Variants in SNX32 observed in about 807,000 individuals in gnomAD.
SNX32 encodes the protein sorting nexin-32.
SNX32 carries 58 observed loss-of-function variants against 57.0 expected under a neutral mutation model. The observed-to-expected ratio is 1.02, with a 90% CI of 0.82 to 1.27. SNX32 has a LOEUF of 1.27. SNX32 is among the 50% of genes most tolerant of loss of function. The probability of loss-of-function intolerance (pLI) is 0.00; values close to 1 mark genes in which losing one functional copy is unlikely to be tolerated. For missense variants in SNX32, 589 were observed against 541.2 expected, an observed-to-expected ratio of 1.09 and a Z score of -0.88; for synonymous variants, 262 against 220.4, an observed-to-expected ratio of 1.19 and a Z score of -1.67.
In SNX32 at chr11:65,853,422, C is replaced by T. The variant is rs548291741; in HGVS notation, c.*87C>T. ...CCTCTCTCCGGCAAGATGTCTCCTT[C>T]CCTAGCAGTGCCACTAGCCACACCC... On this transcript the variant is annotated 3_prime_UTR_variant, in exon 13 of 13. Coordinates refer to ENST00000308342, the MANE Select transcript of SNX32 (RefSeq NM_152760.3). 1 of 1,361,936 alleles carries T rather than the reference C, an allele frequency of 7.3e-7. No homozygotes were observed. The highest frequency in any genetic ancestry group is 1.0e-6 in the Non-Finnish European group (1 of 956,392). The allele number at this position is 1,361,936 out of a possible 1,614,324, so 84.4% of individuals were successfully genotyped here.
Position 65,850,875 on chromosome 11 carries a change from TC to T in SNX32, c.603+22del. The T allele has an allele frequency of 6.2e-7, 1 of 1,604,618 alleles. No homozygotes were observed. Among genetic ancestry groups the T allele is most frequent in the South Asian group, 1.1e-5 (1 of 90,572 alleles). ...CTCAAGGTAACCCCTGGTGCTCCTCTCCGGATTCAACCCAGCACCTCAAGTC... is the reference window on the plus strand; with the variant it reads ...CTCAAGGTAACCCCTGGTGCTCCTCTCGGATTCAACCCAGCACCTCAAGTC... On this transcript the variant is annotated intron_variant, in intron 6 of 12. Transcript: ENST00000308342.
intron 1 of SNX32, among the ~76,000 whole-genome samples, chr11:65,844,160 G>A (rs1157684801): frequency 6.6e-6 from 1 of 152,112 alleles, no homozygotes; most frequent in East Asian, 1.9e-4. Context: ...GAAATGTAAA[G>A]GACCTATAAT....
At position 65,852,632 on chromosome 11, in the gene SNX32, CCTG is replaced by C; in HGVS notation, c.919_921del (p.Leu307del). ...TGACCCTGTGCCCATGGTCCTAGGA[CCTG>C]CTGTACCGGCGGCTGCGGGCACTGG... On this transcript the variant is annotated inframe_deletion, in exon 11 of 13. Coordinates refer to ENST00000308342, the MANE Select transcript of SNX32 (RefSeq NM_152760.3). The C allele has an allele frequency of 6.2e-7, 1 of 1,611,392 alleles. No individual in the cohort carries two copies. Among genetic ancestry groups the C allele is most frequent in the Non-Finnish European group, 8.5e-7 (1 of 1,179,232 alleles).
chr11:65,839,215 A>ATTTTTTTTTTT lies in SNX32; in HGVS notation c.36+5121_36+5122insTTTTTTTTTTT, dbSNP rs1555032605. On this transcript the variant is annotated intron_variant, in intron 1 of 12. Coordinates refer to ENST00000308342, the MANE Select transcript of SNX32 (RefSeq NM_152760.3). ...AGCTGTGCCCCACCACGCCCAGCTA[A>ATTTTTTTTTTT]TTTTTTTGTATTTTTTTTTTTTTTT... Among the ~76,000 whole-genome samples, 41 of 19,528 alleles carry ATTTTTTTTTTT rather than the reference A, an allele frequency of 2.1e-3. 2 individuals are homozygous for ATTTTTTTTTTT. Among genetic ancestry groups the ATTTTTTTTTTT allele is most frequent in the Non-Finnish European group, 3.8e-3 (32 of 8,378 alleles). The allele number at this position is 19,528 out of a possible 152,430, so 12.8% of individuals were successfully genotyped here.
chr11:65,850,092 G>T (rs753908484), intron 3 of SNX32, 58 bp from the exon 4 acceptor site: 2 of 1,614,084 alleles, frequency 1.2e-6, no homozygotes, highest in Non-Finnish European at 1.7e-6. Context: ...AGGACCAAAG[G>T]CTGTGATGGC....
At chr11:65,836,686 A>C (rs1016459670) in intron 1 of SNX32, among the ~76,000 whole-genome samples, 1 of 152,244 alleles carries the variant, frequency 6.6e-6, no homozygotes, top group African/African-American at 2.4e-5. Flanking sequence ...GATAGAGAAA[A>C]TGTGGCACAT....
In SNX32 at chr11:65,834,004, G is replaced by A. The variant is rs1858575214; in HGVS notation, c.-62G>A. On this transcript the variant is annotated 5_prime_UTR_variant, in exon 1 of 13. Transcript: ENST00000308342. ...CTCACTCGGTCAGTTCCTCGGGCGA[G>A]TTACGGGGACGACCTGCGGGAGCAC... The A allele has an allele frequency of 6.5e-7, 1 of 1,539,946 alleles. No individual in the cohort carries two copies. The highest frequency in any genetic ancestry group is 1.4e-5 in the African/African-American group (1 of 72,614).
In SNX32 at chr11:65,852,688, T is replaced by C. The variant is rs764773365; in HGVS notation, c.971T>C (p.Leu324Pro). The change falls in exon 11 of 13, where the codon CTG becomes CCG. Residue 324 changes from leucine (L) to proline (P), a missense_variant. Leu to Pro is a moderately conservative substitution (Grantham distance 98, BLOSUM62 -3). Transcript: ENST00000308342. ...GACTACGAGAATGCCAACAAGGCGC[T>C]GGACAAGGCGCGCACCAGGAACCGG... is the stretch of plus-strand genomic sequence containing the variant. ...LADYENANKA[L>P]DKARTRNREV... The C allele has an allele frequency of 6.3e-7, 1 of 1,597,302 alleles. No homozygotes were observed. Among genetic ancestry groups the C allele is most frequent in the Non-Finnish European group, 8.5e-7 (1 of 1,175,162 alleles).
chr11:65,850,059 G>A, intron 3 of SNX32, 29 bp downstream of exon 3: 1 of 1,614,160 alleles, frequency 6.2e-7, no homozygotes. Context: ...GGGGCTGGGA[G>A]GGACAGGCAG....
intron 1 of SNX32, among the ~76,000 whole-genome samples, chr11:65,834,977 AT>A (rs1285311276): frequency 1.6e-5 from 2 of 128,270 alleles, no homozygotes; most frequent in African/African-American, 6.1e-5. Context: ...TGATCTGTGT[AT>A]GTCGTTGTGT....
At chr11:65,834,558 CTGTG>C (rs1176244566) in intron 1 of SNX32, among the ~76,000 whole-genome samples, 16 of 146,940 alleles carry the variant, frequency 1.1e-4, no homozygotes, top group Non-Finnish European at 1.9e-4. Flanking sequence ...GTGTGTGTGT[CTGTG>C]TGTCTGTGTC....
Position 65,834,189 on chromosome 11 carries a change from C to CTGTG in SNX32, c.36+97_36+100dup, listed in dbSNP as rs1000594143. 4 of 409,272 alleles carry CTGTG rather than the reference C, an allele frequency of 9.8e-6. No individual in the cohort carries two copies. The Admixed American group carries it at 1.3e-4, about 13-fold the overall frequency. 25.4% of individuals were successfully genotyped at this position (409,272 alleles called of 1,614,324 possible). A position where few individuals can be genotyped will look rare whatever the true frequency, so the allele number is the denominator to read the frequency against. ...CAATCATGCGGTGGTGTGTGTGTGTCTGTGTGTGTGTGGTCTGCCTCTGTG... is the reference window on the plus strand; with the variant it reads ...CAATCATGCGGTGGTGTGTGTGTGTCTGTGTGTGTGTGTGTGGTCTGCCTCTGTG... On this transcript the variant is annotated intron_variant, in intron 1 of 12. Transcript: ENST00000308342.
chr11:65,850,615 G>A, intron 5 of SNX32, 61 bp downstream of exon 5: 2 of 1,560,354 alleles, frequency 1.3e-6, no homozygotes, highest in Admixed American at 1.9e-5. Flanking sequence ...GGGTGGGGAG[G>A]CACCCAGGGG....
chr11:65,850,132 C>T lies in SNX32; in HGVS notation c.253-18C>T, dbSNP rs765142246. The T allele has an allele frequency of 1.4e-5, 23 of 1,614,070 alleles. No homozygotes were observed. Among genetic ancestry groups the T allele is most frequent in the Non-Finnish European group, 1.8e-5 (21 of 1,180,036 alleles). ...TCGGCAGTGAGAGGCCTCCCAGCTC[C>T]GTCCCTCCTTTGAGCAGATCCCCCC... On this transcript the variant is annotated intron_variant, in intron 3 of 12. Transcript: ENST00000308342.
intron 1 of SNX32, among the ~76,000 whole-genome samples, chr11:65,838,132 G>T (rs1042701536): frequency 2.6e-5 from 4 of 151,664 alleles, no homozygotes; most frequent in African/African-American, 9.7e-5. Flanking sequence ...CTCCAGCCTG[G>T]GTGACGGGAG....
rs1444526347 is a variant in SNX32, at chr11:65,844,956, ACT to A, written c.37-4519_37-4518del. 1.1e-4 allele frequency among the ~76,000 whole-genome samples: 11 copies of A among 100,100 alleles called. No homozygotes were observed. In the South Asian group the frequency reaches 4.6e-3, roughly 42 times the overall value. The allele number at this position is 100,100 out of a possible 152,430, so 65.7% of individuals were successfully genotyped here. On this transcript the variant is annotated intron_variant, in intron 1 of 12. Coordinates refer to ENST00000308342, the MANE Select transcript of SNX32 (RefSeq NM_152760.3). ...ACTCCAGCCTGGGTGACACAGCAAGACTCTGTCTCAAAAAAAAAAAAAAAAGT... is the reference window on the plus strand; with the variant it reads ...ACTCCAGCCTGGGTGACACAGCAAGACTGTCTCAAAAAAAAAAAAAAAAGT...
chr11:65,852,376 T>G lies in SNX32; in HGVS notation c.826-89T>G, dbSNP rs895500245. ...CCTGGAACAGTTACCTAAGGCTTCT[T>G]TGCTGGATATTTAGATGAAGAGGTG... On this transcript the variant is annotated intron_variant, in intron 9 of 12. Transcript: ENST00000308342. 6.8e-6 allele frequency: 8 copies of G among 1,177,422 alleles called. No homozygotes were observed. The South Asian group carries it at 8.7e-5, about 13-fold the overall frequency. The allele number at this position is 1,177,422 out of a possible 1,614,324, so 72.9% of individuals were successfully genotyped here.
Position 65,849,958 on chromosome 11 carries a change from C to A in SNX32, c.180C>A (p.Val60=). 1.0e-5 allele frequency: 16 copies of A among 1,600,360 alleles called. No individual in the cohort carries two copies. The highest frequency in any genetic ancestry group is 1.4e-5 in the Non-Finnish European group (16 of 1,170,754). Residue 60 remains valine (V), a synonymous_variant, in exon 3 of 13, where the codon GTC becomes GTA. Coordinates refer to ENST00000308342, the MANE Select transcript of SNX32 (RefSeq NM_152760.3). The stretch of plus-strand genomic sequence containing the variant: ...ACTTCGCCCAGACCGAGTTCTCAGT[C>A]GTGCGGCAGCACGAGGAGTTCATCT... ...LPHFAQTEFS[V]VRQHEEFIWL...
In SNX32 at chr11:65,839,042, A is replaced by AATT. The variant is rs113197271; in HGVS notation, c.36+4960_36+4962dup. On this transcript the variant is annotated intron_variant, in intron 1 of 12. Coordinates refer to ENST00000308342, the MANE Select transcript of SNX32 (RefSeq NM_152760.3). ...GTATATGACACTAAAGAAAATAAGT[A>AATT]ATTATTATTATTATTATTATTTTTG... Among the ~76,000 whole-genome samples the AATT allele has an allele frequency of 2.9e-4, 44 of 150,424 alleles. 1 individual carries two copies. The highest frequency in any genetic ancestry group is 6.1e-4 in the African/African-American group (25 of 41,132).
Sources: gnomAD v4.1 joint callset for allele counts (sites outside exome capture counted in the v4.1 genomes callset) on GRCh38, gnomAD v4.1.1 for gene constraint, MANE v1.5 for transcripts, NCBI Gene and HGNC (gene_info 2026-07-23, HGNC 2026-07-21) for gene names.